Variants in PTPRG observed in about 807,000 individuals in gnomAD.
The protein encoded by PTPRG is receptor-type tyrosine-protein phosphatase gamma.
In PTPRG, 102 loss-of-function variants were observed where a neutral mutation model predicts 165.3. The observed-to-expected ratio is 0.62, with a 90% CI of 0.53 to 0.73. The LOEUF (loss-of-function observed/expected upper bound fraction) is 0.73, where lower values mean the gene tolerates loss of function less well. Among genes scored for constraint, PTPRG ranks in the 30% least tolerant of loss-of-function variants. The pLI, the probability that PTPRG is intolerant of heterozygous loss-of-function variation, is 0.00. For synonymous variants in PTPRG, 675 were observed against 669.5 expected (o/e 1.01, Z -0.13); for missense variants, 1,866 against 1,861.4 (o/e 1.00, Z -0.05).
intron 2 of PTPRG, among the ~76,000 whole-genome samples, chr3:61,917,876 G>A (rs968815054): frequency 5.9e-5 from 9 of 152,134 alleles, no homozygotes; most frequent in Non-Finnish European, 1.3e-4. Flanking sequence ...AGGTTGCAGT[G>A]AGCCGAGATC....
At chr3:61,923,367 C>T (rs987778700) in intron 2 of PTPRG, among the ~76,000 whole-genome samples, 1 of 152,106 alleles carries the variant, frequency 6.6e-6, no homozygotes, top group Admixed American at 6.5e-5. Flanking sequence ...CGTGAAATCG[C>T]CAGCGTTTTC....
chr3:62,167,283 G>A (rs892888508), intron 7 of PTPRG, among the ~76,000 whole-genome samples: 3 of 152,144 alleles, frequency 2.0e-5, no homozygotes, highest in African/African-American at 4.8e-5. Flanking sequence ...GTTGAACTTA[G>A]GCAGTTTGAC....
intron 2 of PTPRG, among the ~76,000 whole-genome samples, chr3:61,892,190 A>G (rs184562385): frequency 6.6e-6 from 1 of 152,326 alleles, no homozygotes; most frequent in East Asian, 1.9e-4. Flanking sequence ...AACTAGTTCA[A>G]GTAGTAGAAA....
At chr3:62,268,058 T>TC (rs1276115244) in intron 19 of PTPRG, among the ~76,000 whole-genome samples, 4 of 151,990 alleles carry the variant, frequency 2.6e-5, no homozygotes, top group Admixed American at 2.6e-4. Context: ...AATCAATGTA[T>TC]CCTCTGTACA....
intron 1 of PTPRG, among the ~76,000 whole-genome samples, chr3:61,648,569 A>C (rs1702266954): frequency 6.6e-6 from 1 of 152,220 alleles, no homozygotes; most frequent in Non-Finnish European, 1.5e-5. Context: ...TTGGCAGCTA[A>C]ATGCAGGGTG....
intron 19 of PTPRG, 140 bp downstream of exon 19, chr3:62,267,959 T>C (rs1701938161): frequency 9.9e-7 from 1 of 1,006,880 alleles, no homozygotes; most frequent in Non-Finnish European, 1.4e-6. Flanking sequence ...TTATCTTGCT[T>C]ATGATTCAGA....
rs1378299406 is a variant in PTPRG at position 62,190,706 on chromosome 3, C to T, written c.1034-763C>T. On this transcript the variant is annotated intron_variant, in intron 8 of 29. Transcript: ENST00000474889. This position sits in a 1 kb window ranked among gnomAD's most constrained non-coding sequence, Gnocchi z 5.2. ...CATCTTAAATTTATTTATTTACACT[C>T]GGACCTGTTTACAATAAGATTTCGT... 1.3e-5 allele frequency among the ~76,000 whole-genome samples: 2 copies of T among 152,144 alleles called. No individual in the cohort carries two copies. The highest frequency in any genetic ancestry group is 1.9e-4 in the East Asian group (1 of 5,198).
chr3:62,182,803 C>T (rs1484788702), intron 8 of PTPRG, among the ~76,000 whole-genome samples: 5 of 152,096 alleles, frequency 3.3e-5, no homozygotes, highest in Admixed American at 6.5e-5. Flanking sequence ...ATTACAGGCA[C>T]CTGCCACCAT....
chr3:61,969,413 G>A lies in PTPRG; in HGVS notation c.191-20212G>A, dbSNP rs546742763. On this transcript the variant is annotated intron_variant, in intron 2 of 29. Coordinates refer to ENST00000474889, the MANE Select transcript of PTPRG (RefSeq NM_002841.4). ...TGAATGAATTAATTTTTCTTCTTGG[G>A]GAATTTTAATTAAAGACATGAAATA... 6.6e-5 allele frequency among the ~76,000 whole-genome samples: 10 copies of A among 152,174 alleles called. No individual in the cohort carries two copies. In the South Asian group the frequency reaches 2.1e-3, roughly 32 times the overall value.
rs1268689827 is a variant in PTPRG, at chr3:62,229,389, T to C, written c.2289-1836T>C. ...AATTCACGAGAGCTGTCAGTTGTTA[T>C]AGTAACCGGCCCCCTGCTGTCGAAT... is the stretch of plus-strand genomic sequence containing the variant. On this transcript the variant is annotated intron_variant, in intron 13 of 29. Coordinates refer to ENST00000474889, the MANE Select transcript of PTPRG (RefSeq NM_002841.4). This position sits in a 1 kb window ranked among gnomAD's most constrained non-coding sequence, Gnocchi z 4.6. Among the ~76,000 whole-genome samples the C allele has an allele frequency of 6.6e-6, 1 of 152,322 alleles. No individual in the cohort carries two copies. The highest frequency in any genetic ancestry group is 3.4e-3 in the Middle Eastern group (1 of 294).
intron 10 of PTPRG, among the ~76,000 whole-genome samples, chr3:62,196,141 T>C (rs183687815): frequency 1.3e-5 from 2 of 150,994 alleles, no homozygotes; most frequent in Non-Finnish European, 3.0e-5. Context: ...TCACACCTGT[T>C]ATCCCAGCAC....
chr3:62,176,334 A>G (rs2106760088), intron 8 of PTPRG, among the ~76,000 whole-genome samples: 1 of 152,266 alleles, frequency 6.6e-6, no homozygotes, highest in Non-Finnish European at 1.5e-5. Context: ...TAACGTTCAG[A>G]GAGGGTAAGT....
intron 4 of PTPRG, among the ~76,000 whole-genome samples, chr3:62,076,587 T>G (rs1401415813): frequency 6.6e-6 from 1 of 151,774 alleles, no homozygotes; most frequent in Non-Finnish European, 1.5e-5. Flanking sequence ...CTACATCTTT[T>G]TTTTTTTTTT....
chr3:61,784,982 G>A (rs1435223171), intron 2 of PTPRG, among the ~76,000 whole-genome samples: 2 of 152,132 alleles, frequency 1.3e-5, no homozygotes, highest in Non-Finnish European at 2.9e-5. Context: ...AAGTGGCACT[G>A]TATATCAATA....
intron 10 of PTPRG, 113 bp from the exon 11 acceptor site, chr3:62,201,392 A>T: frequency 2.3e-6 from 2 of 852,440 alleles, no homozygotes; most frequent in Non-Finnish European, 3.5e-6. Flanking sequence ...TCTACAGAAT[A>T]ATATTTTGAC....
At chr3:62,278,317 C>A (rs1380699195) in intron 26 of PTPRG, among the ~76,000 whole-genome samples, 4 of 151,988 alleles carry the variant, frequency 2.6e-5, no homozygotes, top group Non-Finnish European at 5.9e-5. Flanking sequence ...GTCAGGTCTA[C>A]TGCAGGGATA....
intron 1 of PTPRG, among the ~76,000 whole-genome samples, chr3:61,626,680 G>T (rs528281925): frequency 6.6e-6 from 1 of 152,276 alleles, no homozygotes; most frequent in South Asian, 2.1e-4. Context: ...TCCTGCTGCT[G>T]GGTGCCAAAG....
At chr3:61,817,751 G>A (rs2035830829) in intron 2 of PTPRG, among the ~76,000 whole-genome samples, 1 of 152,188 alleles carries the variant, frequency 6.6e-6, no homozygotes, top group African/African-American at 2.4e-5. Flanking sequence ...CTTGGGATGT[G>A]CATTGAAGAG....
chr3:61,826,188 GA>G (rs1045383782), intron 2 of PTPRG, among the ~76,000 whole-genome samples: 1 of 152,126 alleles, frequency 6.6e-6, no homozygotes, highest in African/African-American at 2.4e-5. Flanking sequence ...GAAGCCTCCT[GA>G]TTTGTTTCTC....
Sources: gnomAD v4.1 joint callset for allele counts (sites outside exome capture counted in the v4.1 genomes callset) on GRCh38, gnomAD v4.1.1 for gene constraint, Gnocchi (gnomAD v3.1) non-coding constraint, MANE v1.5 for transcripts, NCBI Gene and HGNC (gene_info 2026-07-23, HGNC 2026-07-21) for gene names.